ABCB5: variants seen among roughly 807,000 people sequenced by gnomAD.
ABCB5 encodes ATP-binding cassette sub-family B member 5.
In ABCB5, 155 loss-of-function variants were observed where a neutral mutation model predicts 144.2. That is an observed-to-expected ratio of 1.08 (90% CI 0.94 to 1.23). The LOEUF is 1.23. Among genes scored for constraint, ABCB5 ranks in the 50% most tolerant of loss-of-function variants. The pLI is 0.00. For missense variants in ABCB5, 1,830 were observed against 1,520.8 expected (o/e 1.20, Z -3.38); for synonymous variants, 610 against 528.6 (o/e 1.15, Z -2.11).
intron 14 of ABCB5, chr7:20,666,905 T>C (rs895542255): frequency 7.6e-7 from 1 of 1,320,830 alleles, no homozygotes; most frequent in African/African-American, 1.5e-5. Flanking sequence ...ATTTTCCTGA[T>C]CAGTTTTTTA....
At chr7:20,668,697 C>T in intron 14 of ABCB5, among the ~76,000 whole-genome samples, 1 of 145,254 alleles carries the variant, frequency 6.9e-6, no homozygotes, top group African/African-American at 2.6e-5. Context: ...TCTGCCCGGC[C>T]AGTCGCCCCG....
intron 3 of ABCB5, 85 bp from the exon 4 acceptor site, chr7:20,628,603 C>T: frequency 7.1e-7 from 1 of 1,415,872 alleles, no homozygotes; most frequent in Middle Eastern, 2.0e-4. Flanking sequence ...GTGGCAAAGG[C>T]TGTAGGCTGT....
At chr7:20,666,952 A>C in intron 14 of ABCB5, 1 of 1,101,238 alleles carries the variant, frequency 9.1e-7, no homozygotes, top group Non-Finnish European at 1.2e-6. Context: ...CTGTGTTTTA[A>C]GTCTGAAGCA....
rs1305458890 is a variant in ABCB5, at chr7:20,756,870, T to G, written c.*1246T>G. ...TTTATCTTTATTCTTCAGTGTATTTTCTTCCATTTACACATTTAGCTAGCC... is the reference window on the plus strand; with the variant it reads ...TTTATCTTTATTCTTCAGTGTATTTGCTTCCATTTACACATTTAGCTAGCC... On this transcript the variant is annotated 3_prime_UTR_variant, in exon 28 of 28. Coordinates refer to ENST00000404938, the MANE Select transcript of ABCB5 (RefSeq NM_001163941.2). 1 of 152,370 alleles carries G rather than the reference T, an allele frequency of 6.6e-6. No individual in the cohort carries two copies. The highest frequency in any genetic ancestry group is 1.5e-5 in the Non-Finnish European group (1 of 68,044). The allele number at this position is 152,370 out of a possible 1,614,324, so 9.4% of individuals were successfully genotyped here. A position where few individuals can be genotyped will look rare whatever the true frequency, so the allele number is the denominator to read the frequency against.
chr7:20,730,367 T>C (rs1583456847), intron 23 of ABCB5, among the ~76,000 whole-genome samples: 1 of 152,112 alleles, frequency 6.6e-6, no homozygotes, highest in Non-Finnish European at 1.5e-5. Flanking sequence ...AAATTAGCCA[T>C]GTATGGCGGT....
At chr7:20,620,033 T>C (rs1783776232) in intron 1 of ABCB5, among the ~76,000 whole-genome samples, 1 of 152,324 alleles carries the variant, frequency 6.6e-6, no homozygotes, top group East Asian at 1.9e-4. Context: ...GATCTGTGTG[T>C]CTCTTTTTGC....
At chr7:20,677,624 G>C (rs1039534552) in intron 14 of ABCB5, among the ~76,000 whole-genome samples, 5 of 152,144 alleles carry the variant, frequency 3.3e-5, no homozygotes, top group African/African-American at 1.2e-4. Flanking sequence ...AGCTACTCGG[G>C]AGGCTGAGGC....
intron 5 of ABCB5, among the ~76,000 whole-genome samples, chr7:20,634,762 T>C (rs1045598311): frequency 6.6e-6 from 1 of 152,060 alleles, no homozygotes; most frequent in Non-Finnish European, 1.5e-5. Context: ...TTTATTTTAT[T>C]GTCATTGTTG....
At chr7:20,747,998 C>T (rs1285400556) in intron 26 of ABCB5, among the ~76,000 whole-genome samples, 1 of 152,146 alleles carries the variant, frequency 6.6e-6, no homozygotes, top group Non-Finnish European at 1.5e-5. Context: ...AAGAACTAAG[C>T]TAAATTTCCA....
intron 14 of ABCB5, among the ~76,000 whole-genome samples, chr7:20,661,765 C>T (rs972892378): frequency 2.6e-4 from 40 of 151,834 alleles, no homozygotes; most frequent in Admixed American, 2.0e-4. Context: ...GACCTCCTGA[C>T]CTTGTGATCT....
chr7:20,725,369 A>G (rs1036911806), intron 21 of ABCB5, among the ~76,000 whole-genome samples: 1 of 152,246 alleles, frequency 6.6e-6, no homozygotes, highest in Non-Finnish European at 1.5e-5. Context: ...TCACAAGGTC[A>G]GGAGTTCGAG....
chr7:20,619,224 A>T (rs1384537747), intron 1 of ABCB5, among the ~76,000 whole-genome samples: 1 of 152,074 alleles, frequency 6.6e-6, no homozygotes, highest in East Asian at 1.9e-4. Context: ...TGTTGGGTTG[A>T]ATGGTAGTTC....
chr7:20,698,690 A>G lies in ABCB5; in HGVS notation c.2154+140A>G, dbSNP rs1391898855. 2.0e-5 allele frequency: 14 copies of G among 706,156 alleles called. No individual in the cohort carries two copies. In the Admixed American group the frequency reaches 2.6e-4, roughly 13 times the overall value. 43.7% of individuals were successfully genotyped at this position (706,156 alleles called of 1,614,324 possible). On this transcript the variant is annotated intron_variant, in intron 17 of 27. Coordinates refer to ENST00000404938, the MANE Select transcript of ABCB5 (RefSeq NM_001163941.2). ...CCCCTAGTGTGGAGTCCGTGATAGG[A>G]AGGTTAATTAATGTTCCCAGGAGAT...
chr7:20,687,804 G>C (rs1054896795), intron 16 of ABCB5, among the ~76,000 whole-genome samples: 1 of 152,222 alleles, frequency 6.6e-6, no homozygotes, highest in Non-Finnish European at 1.5e-5. Flanking sequence ...AGGATTGCTT[G>C]AGCTTAGGAG....
At chr7:20,755,364 G>T in intron 27 of ABCB5, 63 bp from the exon 28 acceptor site, 2 of 1,477,214 alleles carry the variant, frequency 1.4e-6, no homozygotes, top group South Asian at 2.4e-5. Flanking sequence ...TAATTGATTT[G>T]ACTTAGGTAA....
intron 9 of ABCB5, 133 bp downstream of exon 9, chr7:20,646,271 T>A: frequency 1.1e-6 from 1 of 881,650 alleles, no homozygotes; most frequent in Non-Finnish European, 1.7e-6. Flanking sequence ...TCCCTCAAAT[T>A]ATCTGTATAC....
intron 1 of ABCB5, among the ~76,000 whole-genome samples, chr7:20,616,517 A>G (rs565383517): frequency 1.3e-5 from 2 of 152,310 alleles, no homozygotes; most frequent in African/African-American, 4.8e-5. Flanking sequence ...ATATTTTTTA[A>G]GGCAAAAGTC....
intron 20 of ABCB5, among the ~76,000 whole-genome samples, chr7:20,718,665 T>G (rs903826485): frequency 6.6e-6 from 1 of 152,304 alleles, no homozygotes; most frequent in East Asian, 1.9e-4. Flanking sequence ...GCTAATTTTT[T>G]TATAGTTTGG....
chr7:20,646,162 T>C, intron 9 of ABCB5, 24 bp downstream of exon 9: 2 of 1,599,250 alleles, frequency 1.3e-6, no homozygotes, highest in Non-Finnish European at 1.7e-6. Context: ...GAGAACAAGG[T>C]GTCAGGCCTG....
Sources: allele counts gnomAD v4.1 joint callset (sites outside exome capture counted in the v4.1 genomes callset), GRCh38; gene constraint gnomAD v4.1.1; transcripts MANE v1.5; gene names NCBI Gene and HGNC (gene_info 2026-07-23, HGNC 2026-07-21).